The following EHBP1 variants were observed in gnomAD, a reference collection of about 807,000 sequenced individuals.
EHBP1 encodes EH domain-binding protein 1.
In EHBP1, 55 loss-of-function variants were observed where a neutral mutation model predicts 144.0. The observed-to-expected ratio is 0.38, with a 90% CI of 0.31 to 0.48. EHBP1 has a LOEUF of 0.48. EHBP1 is among the 20% of genes least tolerant of loss of function. The probability of loss-of-function intolerance (pLI) is 0.98; values close to 1 mark genes in which losing one functional copy is unlikely to be tolerated. For missense variants in EHBP1, 1,200 were observed against 1,364.2 expected, an observed-to-expected ratio of 0.88 and a Z score of 1.90; for synonymous variants, 469 against 472.7, an observed-to-expected ratio of 0.99 and a Z score of 0.10.
chr2:62,859,295 G>T lies in EHBP1; in HGVS notation c.757+4G>T. ...TTTGGAGATCCTGACTCAGAAGGTAGCAAGTTTTTCTGTAATTTTAAAGTC... is the reference window on the plus strand; with the variant it reads ...TTTGGAGATCCTGACTCAGAAGGTATCAAGTTTTTCTGTAATTTTAAAGTC... On this transcript the variant is annotated splice_donor_region_variant and intron_variant, in intron 8 of 22. Coordinates refer to ENST00000431489, the MANE Select transcript of EHBP1 (RefSeq NM_001142616.3). The T allele has an allele frequency of 1.3e-6, 2 of 1,595,090 alleles. No individual in the cohort carries two copies. The highest frequency in any genetic ancestry group is 1.7e-4 in the Middle Eastern group (1 of 5,994).
chr2:62,918,759 G>A (rs943778821), intron 10 of EHBP1, among the ~76,000 whole-genome samples: 4 of 152,152 alleles, frequency 2.6e-5, no homozygotes, highest in South Asian at 2.1e-4. Flanking sequence ...CATTGTCTAC[G>A]ATAGTGGTTC....
At chr2:62,925,499 A>G (rs961412475) in intron 10 of EHBP1, among the ~76,000 whole-genome samples, 68 of 152,298 alleles carry the variant, frequency 4.5e-4, no homozygotes, top group African/African-American at 1.6e-3. Flanking sequence ...ATAAAATGTT[A>G]TTATTAAAAA....
At chr2:62,683,658 C>CAAAAAAAAA (rs397936534) in intron 1 of EHBP1, among the ~76,000 whole-genome samples, 1 of 50,144 alleles carries the variant, frequency 2.0e-5, no homozygotes, top group African/African-American at 9.3e-5. Flanking sequence ...GACTCCATCT[C>CAAAAAAAAA]AAAAAAAAAA....
chr2:63,029,262 T>C (rs894185671), intron 19 of EHBP1, among the ~76,000 whole-genome samples: 2 of 152,102 alleles, frequency 1.3e-5, no homozygotes, highest in Non-Finnish European at 2.9e-5. Context: ...TTTTTCCAGC[T>C]GCAGAGATGG....
intron 19 of EHBP1, among the ~76,000 whole-genome samples, chr2:63,004,664 C>T (rs1268577495): frequency 1.3e-5 from 2 of 152,024 alleles, no homozygotes; most frequent in Non-Finnish European, 2.9e-5. Flanking sequence ...AAATTTATGT[C>T]ACAGTATTCA....
chr2:62,965,380 T>C (rs550527232), intron 14 of EHBP1, among the ~76,000 whole-genome samples: 7 of 152,340 alleles, frequency 4.6e-5, no homozygotes, highest in African/African-American at 7.2e-5. Context: ...CTATTCTGCC[T>C]GTGAGATATT....
intron 7 of EHBP1, among the ~76,000 whole-genome samples, chr2:62,851,260 A>G (rs2048674621): frequency 6.6e-6 from 1 of 152,192 alleles, no homozygotes; most frequent in African/African-American, 2.4e-5. Context: ...TTTGATCACA[A>G]CAACCTTCAT....
At chr2:62,903,821 G>T (rs2053597730) in intron 10 of EHBP1, among the ~76,000 whole-genome samples, 1 of 151,894 alleles carries the variant, frequency 6.6e-6, no homozygotes, top group Non-Finnish European at 1.5e-5. Context: ...GAAACATATT[G>T]AGTGAAAAGG....
intron 20 of EHBP1, among the ~76,000 whole-genome samples, chr2:63,038,063 G>C (rs1294448072): frequency 6.6e-6 from 1 of 152,076 alleles, no homozygotes; most frequent in Non-Finnish European, 1.5e-5. Context: ...TAAAAGATAA[G>C]TTACTAAAAC....
intron 21 of EHBP1, among the ~76,000 whole-genome samples, chr2:63,043,696 G>GT (rs2061777611): frequency 6.6e-6 from 1 of 152,016 alleles, no homozygotes; most frequent in East Asian, 1.9e-4. Flanking sequence ...GGTCGGGGGG[G>GT]ATTTGAACCA....
chr2:62,685,165 A>C (rs1251329947), intron 1 of EHBP1, among the ~76,000 whole-genome samples: 1 of 152,152 alleles, frequency 6.6e-6, no homozygotes, highest in Admixed American at 6.5e-5. Flanking sequence ...TAAGAGAATA[A>C]ATTTCAAATG....
intron 3 of EHBP1, among the ~76,000 whole-genome samples, chr2:62,760,873 T>C (rs1318004308): frequency 6.6e-6 from 1 of 152,158 alleles, no homozygotes; most frequent in Non-Finnish European, 1.5e-5. Flanking sequence ...TCTAAAGATA[T>C]TTTCAGGTCT....
intron 10 of EHBP1, among the ~76,000 whole-genome samples, chr2:62,939,608 C>A (rs1223932495): frequency 1.3e-5 from 2 of 151,916 alleles, no homozygotes; most frequent in South Asian, 2.1e-4. Flanking sequence ...GAGAATAGGC[C>A]TAATGGAGAA....
At chr2:62,904,418 C>T (rs570422699) in intron 10 of EHBP1, among the ~76,000 whole-genome samples, 2 of 152,308 alleles carry the variant, frequency 1.3e-5, no homozygotes, top group South Asian at 4.1e-4. Flanking sequence ...TGCATCTACT[C>T]CACATCTCCA....
intron 1 of EHBP1, among the ~76,000 whole-genome samples, chr2:62,685,866 A>T (rs571373671): frequency 6.6e-6 from 1 of 152,312 alleles, no homozygotes; most frequent in South Asian, 2.1e-4. Context: ...ATGGATATAA[A>T]ACCAGAATCT....
At chr2:62,830,557 G>A (rs1042543057) in intron 6 of EHBP1, among the ~76,000 whole-genome samples, 13 of 152,038 alleles carry the variant, frequency 8.6e-5, no homozygotes, top group Non-Finnish European at 1.5e-4. Context: ...TCCTTTGTTG[G>A]ATGCATAGTT....
At chr2:62,795,575 G>A (rs1265236780) in intron 5 of EHBP1, among the ~76,000 whole-genome samples, 1 of 151,794 alleles carries the variant, frequency 6.6e-6, no homozygotes, top group East Asian at 1.9e-4. Flanking sequence ...TCTAAAACTG[G>A]CTTTACTCTC....
chr2:62,869,449 C>A (rs1055687408), intron 9 of EHBP1, among the ~76,000 whole-genome samples: 4 of 152,144 alleles, frequency 2.6e-5, no homozygotes, highest in African/African-American at 9.7e-5. Flanking sequence ...CAATGCAGTA[C>A]TACTCAGTAA....
At chr2:62,687,094 G>A (rs2033743842) in intron 1 of EHBP1, among the ~76,000 whole-genome samples, 1 of 152,166 alleles carries the variant, frequency 6.6e-6, no homozygotes, top group Non-Finnish European at 1.5e-5. Flanking sequence ...GTCTTCAGCT[G>A]TTTTGACTTG....
Sources: allele counts gnomAD v4.1 joint callset (sites outside exome capture counted in the v4.1 genomes callset), GRCh38; gene constraint gnomAD v4.1.1; transcripts MANE v1.5; gene names NCBI Gene and HGNC (gene_info 2026-07-23, HGNC 2026-07-21).